Variants in ICE2 observed in about 807,000 individuals in gnomAD.
ICE2 encodes the protein little elongation complex subunit 2.
In ICE2, 87 loss-of-function variants were observed where a neutral mutation model predicts 105.4. The ratio of observed to expected loss-of-function variants is 0.83; its 90% CI spans 0.69 to 0.99. ICE2 has a LOEUF of 0.99. Ranked by LOEUF, ICE2 falls within the 50% of genes least tolerant of loss-of-function variation. ICE2 has a pLI of 0.00. For missense variants in ICE2, 1,323 were observed against 1,146.7 expected, an observed-to-expected ratio of 1.15 and a Z score of -2.22; for synonymous variants, 399 against 392.0, an observed-to-expected ratio of 1.02 and a Z score of -0.21.
chr15:60,426,542 T>A (rs6494197), intron 15 of ICE2, among the ~76,000 whole-genome samples: 2,873 of 152,330 alleles, frequency 0.019, 104 homozygotes, highest in African/African-American at 0.066. Context: ...CAAATTGTGT[T>A]ATTGTACTAA....
At chr15:60,462,604 A>T (rs2064309789) in intron 5 of ICE2, among the ~76,000 whole-genome samples, 1 of 152,218 alleles carries the variant, frequency 6.6e-6, no homozygotes, top group Admixed American at 6.5e-5. Flanking sequence ...CATAGCCCAT[A>T]AAGTTTTTGT....
At position 60,453,778 on chromosome 15, in the gene ICE2, T is replaced by C. The variant is rs1483493847; in HGVS notation, c.950A>G (p.Lys317Arg). The C allele has an allele frequency of 1.9e-6, 3 of 1,571,358 alleles. No homozygotes were observed. In the South Asian group the frequency reaches 3.4e-5, roughly 18 times the overall value. ...CIQVIPVAGS[K>R]PVKVIYINSP... ...ATTAATATATATTACTTTAACTGGT[T>C]TTGAACCTTAAAACAGAAACCAAAG... The change falls in exon 9 of 16, where the codon AAA (lysine) becomes AGA (arginine). Residue 317 changes from lysine to arginine, a missense_variant. Physicochemically the swap from Lys to Arg is conservative, Grantham distance 26 (BLOSUM62 2). Coordinates refer to ENST00000261520, the MANE Select transcript of ICE2 (RefSeq NM_024611.6).
chr15:60,472,219 G>C (rs1417413589), intron 3 of ICE2, among the ~76,000 whole-genome samples: 2 of 151,488 alleles, frequency 1.3e-5, no homozygotes, highest in Non-Finnish European at 2.9e-5. Context: ...TTATTCATTT[G>C]TAAAAACACT....
At chr15:60,470,718 T>A (rs1339152395) in intron 3 of ICE2, among the ~76,000 whole-genome samples, 1 of 152,238 alleles carries the variant, frequency 6.6e-6, no homozygotes, top group Non-Finnish European at 1.5e-5. Context: ...ATGAACTGTA[T>A]TCATTTTAAC....
chr15:60,433,125 CCCAGGCTGGAGCG>C (rs977931561), intron 13 of ICE2, among the ~76,000 whole-genome samples: 9 of 151,176 alleles, frequency 6.0e-5, no homozygotes, highest in East Asian at 2.0e-4. Flanking sequence ...CGCTCTGTCG[CCCAGGCTGGAGCG>C]CCAGGCTGGA....
rs747791057 is a variant in ICE2 at position 60,449,582 on chromosome 15, T to A, written c.1385A>T (p.Glu462Val). The change falls in exon 10 of 16, where the codon GAA (glutamate) becomes GTA (valine). Residue 462 changes from glutamate (E) to valine (V), a missense_variant. By Grantham distance (121) the Glu-to-Val change is moderately radical. Coordinates refer to ENST00000261520, the MANE Select transcript of ICE2 (RefSeq NM_024611.6). ...NSRSLSQILM[E>V]QLQKEKQLVT... ...CAGCTGTTTCTCCTTTTGCAATTGT[T>A]CCATCAGAATCTGAGATAAACTTCT... 1.2e-6 allele frequency: 2 copies of A among 1,614,194 alleles called. No individual in the cohort carries two copies. Among genetic ancestry groups the A allele is most frequent in the Non-Finnish European group, 1.7e-6 (2 of 1,180,028 alleles).
chr15:60,447,840 AC>A, intron 11 of ICE2, 129 bp downstream of exon 11: 1 of 746,580 alleles, frequency 1.3e-6, no homozygotes, highest in Non-Finnish European at 2.1e-6. Context: ...AAAACAAAAA[AC>A]AAAAAACAAA....
At chr15:60,466,750 AAG>A (rs1321191749) in intron 4 of ICE2, 37 bp from the exon 5 acceptor site, 1 of 1,513,072 alleles carries the variant, frequency 6.6e-7, no homozygotes, top group Non-Finnish European at 8.9e-7. Flanking sequence ...TTGGGATAAA[AAG>A]TTTCATTAAA....
intron 3 of ICE2, among the ~76,000 whole-genome samples, chr15:60,469,364 G>A (rs755900847): frequency 6.6e-6 from 1 of 151,952 alleles, no homozygotes; most frequent in African/African-American, 2.4e-5. Flanking sequence ...CTAGGTGATG[G>A]GTTGGTAAGT....
intron 5 of ICE2, among the ~76,000 whole-genome samples, chr15:60,464,960 T>A (rs1346398313): frequency 2.6e-5 from 4 of 152,160 alleles, no homozygotes; most frequent in Non-Finnish European, 5.9e-5. Flanking sequence ...GCTAGGATTG[T>A]GCCACTGCAC....
chr15:60,453,363 A>G, intron 9 of ICE2: 1 of 1,288,666 alleles, frequency 7.8e-7, no homozygotes, highest in African/African-American at 1.5e-5. Context: ...TATCAAACTT[A>G]ACCCTCATAA....
intron 3 of ICE2, among the ~76,000 whole-genome samples, chr15:60,470,103 A>G (rs973376276): frequency 6.6e-6 from 1 of 152,198 alleles, no homozygotes; most frequent in African/African-American, 2.4e-5. Flanking sequence ...CCATTTGTTA[A>G]TATTTATTAA....
chr15:60,460,415 T>C (rs769235396), intron 5 of ICE2, among the ~76,000 whole-genome samples: 1 of 152,130 alleles, frequency 6.6e-6, no homozygotes, highest in Non-Finnish European at 1.5e-5. Flanking sequence ...GGAGAGTTGC[T>C]GGAACCCGCG....
intron 9 of ICE2, chr15:60,452,500 T>C (rs1241243245): frequency 6.3e-6 from 1 of 159,840 alleles, no homozygotes; most frequent in Non-Finnish European, 1.3e-5. Context: ...TTTACTGTTA[T>C]CTGGGCCCTC....
In ICE2 at chr15:60,423,601, T is replaced by A. The variant is rs1046657; in HGVS notation, c.*33A>T. The A allele has an allele frequency of 6.4e-7, 1 of 1,572,194 alleles. No individual in the cohort carries two copies. Among genetic ancestry groups the A allele is most frequent in the Non-Finnish European group, 8.6e-7 (1 of 1,162,190 alleles). On this transcript the variant is annotated 3_prime_UTR_variant, in exon 16 of 16. Coordinates refer to ENST00000261520, the MANE Select transcript of ICE2 (RefSeq NM_024611.6). ...TCTAAATTAAACACTGTTATAACTG[T>A]TTTTTTAAATTTAGTTTTCCATGGT...
intron 12 of ICE2, chr15:60,439,504 C>T (rs1236581581): frequency 6.6e-6 from 1 of 152,232 alleles, no homozygotes; most frequent in Non-Finnish European, 1.5e-5. Context: ...CCTCAGTCTC[C>T]TGAGTAGCTG....
chr15:60,433,001 C>CA (rs1397755074), intron 13 of ICE2, among the ~76,000 whole-genome samples: 1 of 151,826 alleles, frequency 6.6e-6, no homozygotes, highest in Non-Finnish European at 1.5e-5. Flanking sequence ...AATGAGCTTC[C>CA]AAAAAAATTG....
Position 60,467,971 on chromosome 15 carries a change from C to T in ICE2, c.408+90G>A, listed in dbSNP as rs116704803. ...ACGTTTTCCATTTTAAAAAAAATGA[C>T]GGGACCTAAAAACATAAATGTAAAT... On this transcript the variant is annotated intron_variant, in intron 4 of 15. Transcript: ENST00000261520. 7,074 of 1,183,820 alleles carry T rather than the reference C, an allele frequency of 6.0e-3. 199 individuals are homozygous for T. In the African/African-American group the frequency reaches 0.074, roughly 12 times the overall value. 73.3% of individuals were successfully genotyped at this position (1,183,820 alleles called of 1,614,324 possible).
intron 15 of ICE2, 25 bp downstream of exon 15, chr15:60,428,404 C>A (rs79295158): frequency 6.2e-7 from 1 of 1,603,356 alleles, no homozygotes. Flanking sequence ...ACCTAATGAA[C>A]CTTTAATTTC....
Sources: gnomAD v4.1 joint callset for allele counts (sites outside exome capture counted in the v4.1 genomes callset) on GRCh38, gnomAD v4.1.1 for gene constraint, MANE v1.5 for transcripts, NCBI Gene and HGNC (gene_info 2026-07-23, HGNC 2026-07-21) for gene names.